The following ZNF655 variants were observed in gnomAD, a reference collection of about 807,000 sequenced individuals.
ZNF655 encodes the protein Vav-interacting Kruppel-like protein 1.
In ZNF655, 3 loss-of-function variants were observed where a neutral mutation model predicts 6.6. The observed-to-expected ratio is 0.46, with a 90% CI of 0.21 to 1.18. The LOEUF is 1.18. Among genes scored for constraint, ZNF655 ranks in the 50% most tolerant of loss-of-function variants. ZNF655 has a pLI of 0.24. For missense variants in ZNF655, 526 were observed against 572.3 expected (o/e 0.92, Z 0.83); for synonymous variants, 178 against 195.0 (o/e 0.91, Z 0.73).
Position 99,576,166 on chromosome 7 carries a change from T to C in ZNF655, c.*2582T>C, listed in dbSNP as rs1804384406. 1.3e-5 allele frequency: 2 copies of C among 152,566 alleles called. No individual in the cohort carries two copies. The highest frequency in any genetic ancestry group is 4.8e-5 in the African/African-American group (2 of 41,462). 9.5% of individuals were successfully genotyped at this position (152,566 alleles called of 1,614,324 possible). A position where few individuals can be genotyped will look rare whatever the true frequency, so the allele number is the denominator to read the frequency against. On this transcript the variant is annotated 3_prime_UTR_variant, in exon 3 of 3. Coordinates refer to ENST00000252713, the MANE Select transcript of ZNF655 (RefSeq NM_138494.3). ...TAGTTCTGCCACTATATTTTACTTCTTTGCCATCAGCAAGAGTAGGATTTC... is the reference window on the plus strand; with the variant it reads ...TAGTTCTGCCACTATATTTTACTTCCTTGCCATCAGCAAGAGTAGGATTTC...
chr7:99,565,215 C>G (rs1217824995), intron 2 of ZNF655, among the ~76,000 whole-genome samples: 1 of 151,718 alleles, frequency 6.6e-6, no homozygotes, highest in Admixed American at 6.6e-5. Flanking sequence ...GTTGCCCAGG[C>G]TGGAGTGCAG....
chr7:99,564,822 G>T lies in ZNF655; in HGVS notation c.136+4127G>T, dbSNP rs1019802983. 2.1e-4 allele frequency: 109 copies of T among 514,482 alleles called. 1 individual carries two copies. Among genetic ancestry groups the T allele is most frequent in the Non-Finnish European group, 2.5e-4 (100 of 399,736 alleles). The allele number at this position is 514,482 out of a possible 1,614,324, so 31.9% of individuals were successfully genotyped here. On this transcript the variant is annotated intron_variant, in intron 2 of 2. Transcript: ENST00000252713. ...TCTCTTATCTCTGCACTGCACACTCGACATGCAGTCGACATGCATACACAC... is the reference window on the plus strand; with the variant it reads ...TCTCTTATCTCTGCACTGCACACTCTACATGCAGTCGACATGCATACACAC...
Position 99,560,534 on chromosome 7 carries a change from G to T in ZNF655, c.-26G>T. ...ATTTCTCTTAATCTTACCTTGCAGT[G>T]ATGGTCATTGTCCTCCAGAGCAGTG... On this transcript the variant is annotated splice_region_variant and 5_prime_UTR_variant, in exon 2 of 3. Transcript: ENST00000252713. 6.2e-7 allele frequency: 1 copy of T among 1,610,384 alleles called. No homozygotes were observed. Among genetic ancestry groups the T allele is most frequent in the Non-Finnish European group, 8.5e-7 (1 of 1,177,472 alleles).
At chr7:99,559,785 A>ATT (rs60274417) in intron 1 of ZNF655, among the ~76,000 whole-genome samples, 1,449 of 119,234 alleles carry the variant, frequency 0.012, 36 homozygotes, top group African/African-American at 0.037. Flanking sequence ...GGGCCACCTA[A>ATT]TTTTTTTTTT....
chr7:99,566,755 G>A (rs942116619), intron 2 of ZNF655, among the ~76,000 whole-genome samples: 9 of 151,866 alleles, frequency 5.9e-5, no homozygotes, highest in African/African-American at 1.9e-4. Flanking sequence ...AAGGTGTTTC[G>A]CTATGTTACC....
At position 99,573,345 on chromosome 7, in the gene ZNF655, T is replaced by C. The variant is rs148142486; in HGVS notation, c.1237T>C (p.Cys413Arg). The C allele has an allele frequency of 1.1e-5, 17 of 1,614,172 alleles. No homozygotes were observed. The highest frequency in any genetic ancestry group is 1.7e-5 in the Admixed American group (1 of 60,028). Residue 413 changes from cysteine to arginine, a missense_variant, in exon 3 of 3, where the codon TGT becomes CGT. Physicochemically the swap from Cys to Arg is radical, Grantham distance 180. Transcript: ENST00000252713. ...TGEKAHECNECGKAFSQTSCL... is the reference protein window; with the variant it reads ...TGEKAHECNERGKAFSQTSCL... ...AGAGAAAGCACATGAATGTAATGAA[T>C]GTGGAAAAGCTTTCAGTCAAACCTC...
rs753316382 is a variant in ZNF655 at position 99,572,240 on chromosome 7, A to G, written c.137-5A>G. 1.9e-6 allele frequency: 3 copies of G among 1,577,972 alleles called. No homozygotes were observed. In the African/African-American group the frequency reaches 4.1e-5, roughly 21 times the overall value. On this transcript the variant is annotated splice_region_variant and splice_polypyrimidine_tract_variant and intron_variant, in intron 2 of 2. Coordinates refer to ENST00000252713, the MANE Select transcript of ZNF655 (RefSeq NM_138494.3). ...TTTGCATTTTCTATTTATATATTGTATCAGATGGAGAGACCAGAGAAGAGA... is the reference window on the plus strand; with the variant it reads ...TTTGCATTTTCTATTTATATATTGTGTCAGATGGAGAGACCAGAGAAGAGA...
chr7:99,563,928 A>G (rs1463167282), intron 2 of ZNF655: 7 of 1,613,766 alleles, frequency 4.3e-6, no homozygotes, highest in Non-Finnish European at 5.1e-6. Flanking sequence ...CCTGAGTCAT[A>G]CCCAGGCAAG....
intron 2 of ZNF655, among the ~76,000 whole-genome samples, chr7:99,561,531 A>G (rs1803166705): frequency 6.6e-6 from 1 of 152,198 alleles, no homozygotes; most frequent in African/African-American, 2.4e-5. Context: ...AAGGGTCAGA[A>G]GTCTGCTAAA....
chr7:99,569,041 T>C, intron 2 of ZNF655, among the ~76,000 whole-genome samples: 1 of 152,202 alleles, frequency 6.6e-6, no homozygotes, highest in Non-Finnish European at 1.5e-5. Flanking sequence ...CGTCATGGCC[T>C]CCCAAAGTGC....
At position 99,571,304 on chromosome 7, in the gene ZNF655, G is replaced by T. The variant is rs1280169700; in HGVS notation, c.137-941G>T. ...GGTGCTTGAGTTTCACCTTTCTCCA[G>T]TCCAGCAGAATTACATTTTGATGAC... On this transcript the variant is annotated intron_variant, in intron 2 of 2. Coordinates refer to ENST00000252713, the MANE Select transcript of ZNF655 (RefSeq NM_138494.3). The T allele has an allele frequency of 3.6e-5, 47 of 1,288,254 alleles. 1 individual carries two copies. The highest frequency in any genetic ancestry group is 4.7e-5 in the Non-Finnish European group (46 of 988,424). The allele number at this position is 1,288,254 out of a possible 1,614,324, so 79.8% of individuals were successfully genotyped here.
intron 2 of ZNF655, among the ~76,000 whole-genome samples, chr7:99,565,318 G>A (rs1219228339): frequency 1.3e-5 from 2 of 151,950 alleles, no homozygotes; most frequent in African/African-American, 4.8e-5. Flanking sequence ...ACAGATGCTC[G>A]CCACCATGCC....
intron 2 of ZNF655, among the ~76,000 whole-genome samples, chr7:99,565,997 C>A (rs898905998): frequency 6.6e-6 from 1 of 151,612 alleles, no homozygotes. Context: ...TGTATATACA[C>A]ACACACAGAC....
In ZNF655 at chr7:99,573,182, T is replaced by C; in HGVS notation, c.1074T>C (p.Tyr358=). The C allele has an allele frequency of 6.2e-7, 1 of 1,614,148 alleles. No homozygotes were observed. The highest frequency in any genetic ancestry group is 1.3e-5 in the African/African-American group (1 of 75,046). ...HQRVHHEEKA[Y]EYDEYGLAYI... ...GGGTCCATCATGAAGAGAAAGCCTA[T>C]GAGTATGATGAATATGGGTTGGCCT... is the stretch of plus-strand genomic sequence containing the variant. Residue 358 remains tyrosine, a synonymous_variant, in exon 3 of 3, where the codon TAT becomes TAC. Coordinates refer to ENST00000252713, the MANE Select transcript of ZNF655 (RefSeq NM_138494.3).
intron 2 of ZNF655, chr7:99,561,845 G>A: frequency 2.2e-6 from 3 of 1,350,732 alleles, no homozygotes; most frequent in Non-Finnish European, 2.9e-6. Flanking sequence ...GGGAGCCCTG[G>A]GAAAGGGCTG....
At chr7:99,562,412 G>T (rs1274260498) in intron 2 of ZNF655, 1 of 1,614,180 alleles carries the variant, frequency 6.2e-7, no homozygotes, top group Admixed American at 1.7e-5. Flanking sequence ...TTACTCGAGA[G>T]GAATGGGGAT....
rs190577223 is a variant in ZNF655, at chr7:99,563,926, A to G, written c.136+3231A>G. ...GTGAATTCCTGCCCGGCCCTGAGTC[A>G]TACCCAGGCAAGTGCTTTCTCTGGA... On this transcript the variant is annotated intron_variant, in intron 2 of 2. Coordinates refer to ENST00000252713, the MANE Select transcript of ZNF655 (RefSeq NM_138494.3). 7.4e-6 allele frequency: 12 copies of G among 1,613,776 alleles called. No individual in the cohort carries two copies. In the Admixed American group the frequency reaches 1.2e-4, roughly 16 times the overall value.
In ZNF655 at chr7:99,572,608, A is replaced by T; in HGVS notation, c.500A>T (p.Asn167Ile). 1 of 1,613,692 alleles carries T rather than the reference A, an allele frequency of 6.2e-7. No individual in the cohort carries two copies. Among genetic ancestry groups the T allele is most frequent in the Non-Finnish European group, 8.5e-7 (1 of 1,179,880 alleles). ...AATGATAAGTATGACATGAGCTTCA[A>T]CCAGAATTCAGCCTCTGGTAAACAT... The part of the protein sequence containing the change: ...DDNDKYDMSF[N>I]QNSASGKHEH... The change falls in exon 3 of 3, where the codon AAC becomes ATC. Residue 167 changes from asparagine to isoleucine, a missense_variant. Asn to Ile is a moderately radical substitution (Grantham distance 149). Coordinates refer to ENST00000252713, the MANE Select transcript of ZNF655 (RefSeq NM_138494.3).
chr7:99,565,471 C>T (rs1438972478), intron 2 of ZNF655, among the ~76,000 whole-genome samples: 1 of 152,128 alleles, frequency 6.6e-6, no homozygotes, highest in Non-Finnish European at 1.5e-5. Context: ...CGCCTGGCCT[C>T]CAGATTGTAT....
Sources: allele counts gnomAD v4.1 joint callset (sites outside exome capture counted in the v4.1 genomes callset), GRCh38; gene constraint gnomAD v4.1.1; transcripts MANE v1.5; gene names NCBI Gene and HGNC (gene_info 2026-07-23, HGNC 2026-07-21).